The following RAB12 variants were observed in gnomAD, a reference collection of about 807,000 sequenced individuals.
RAB12 encodes RAB12, member RAS oncogene family.
RAB12 carries 11 observed loss-of-function variants against 28.4 expected under a neutral mutation model. The ratio of observed to expected loss-of-function variants is 0.39; its 90% confidence interval spans 0.24 to 0.64. RAB12 has a LOEUF of 0.64. Among genes scored for constraint, RAB12 ranks in the 30% least tolerant of loss-of-function variants. RAB12 has a pLI of 0.50. For synonymous variants in RAB12, 138 were observed against 145.3 expected (o/e 0.95, Z 0.36); for missense variants, 276 against 351.1 (o/e 0.79, Z 1.71).
intron 1 of RAB12, among the ~76,000 whole-genome samples, chr18:8,613,829 A>G (rs917270885): frequency 6.7e-6 from 1 of 148,656 alleles, no homozygotes; most frequent in Admixed American, 6.7e-5. Flanking sequence ...CTATAAATAG[A>G]AGTAGTAGTA....
chr18:8,621,326 A>G (rs779295937), intron 1 of RAB12, among the ~76,000 whole-genome samples: 17 of 152,222 alleles, frequency 1.1e-4, no homozygotes, highest in Non-Finnish European at 2.4e-4. Flanking sequence ...AATATAAGAA[A>G]GTTTTTAGAA....
intron 1 of RAB12, among the ~76,000 whole-genome samples, chr18:8,612,519 C>T (rs995051930): frequency 5.3e-5 from 8 of 152,166 alleles, no homozygotes; most frequent in East Asian, 1.9e-4. Flanking sequence ...CAGGGCTGCT[C>T]GCGACAGCCG....
chr18:8,619,517 A>AGGCCTT (rs1406124511), intron 1 of RAB12, among the ~76,000 whole-genome samples: 1 of 152,252 alleles, frequency 6.6e-6, no homozygotes, highest in Non-Finnish European at 1.5e-5. Flanking sequence ...GCGCAGAGTC[A>AGGCCTT]GGCCTTGTCT....
chr18:8,635,472 T>G, intron 3 of RAB12, 61 bp from the exon 4 acceptor site: 1 of 1,183,120 alleles, frequency 8.5e-7, no homozygotes, highest in Non-Finnish European at 1.2e-6. Context: ...GGTTTATATT[T>G]CTGCTGTCAG....
At chr18:8,613,415 G>T (rs187555679) in intron 1 of RAB12, among the ~76,000 whole-genome samples, 32 of 152,240 alleles carry the variant, frequency 2.1e-4, no homozygotes, top group Non-Finnish European at 3.8e-4. Context: ...ATGAATCTGT[G>T]TGTGCTTTTG....
Position 8,609,810 on chromosome 18 carries a change from A to G in RAB12, c.371A>G (p.Gln124Arg). ...GAGSPALSGG[Q>R]GRRRKQPPRP... ...GGCTCCCCGGCGCTGTCGGGCGGCC[A>G]GGGCCGCCGGAGGAAGCAGCCCCCC... The change falls in exon 1 of 6, where the codon CAG becomes CGG. Residue 124 changes from glutamine (Q) to arginine (R), a missense_variant. Physicochemically the swap from Gln to Arg is conservative, Grantham distance 43 (BLOSUM62 1). Transcript: ENST00000649141. 1 of 1,474,366 alleles carries G rather than the reference A, an allele frequency of 6.8e-7. No individual in the cohort carries two copies. Among genetic ancestry groups the G allele is most frequent in the Non-Finnish European group, 9.0e-7 (1 of 1,113,786 alleles). 91.3% of individuals were successfully genotyped at this position (1,474,366 alleles called of 1,614,324 possible).
chr18:8,625,719 C>T (rs1457735186), intron 2 of RAB12, among the ~76,000 whole-genome samples: 1 of 152,096 alleles, frequency 6.6e-6, no homozygotes, highest in Non-Finnish European at 1.5e-5. Flanking sequence ...TAAAAGTAGC[C>T]CCATTGAGGT....
At chr18:8,626,909 A>G (rs986452420) in intron 2 of RAB12, among the ~76,000 whole-genome samples, 8 of 152,236 alleles carry the variant, frequency 5.3e-5, no homozygotes, top group East Asian at 3.8e-4. Context: ...AGTTTTCTAC[A>G]TGGAATATTC....
In RAB12 at chr18:8,609,741, C is replaced by T. The variant is rs2096002601; in HGVS notation, c.302C>T (p.Ala101Val). 1 of 1,187,486 alleles carries T rather than the reference C, an allele frequency of 8.4e-7. No homozygotes were observed. Among genetic ancestry groups the T allele is most frequent in the Non-Finnish European group, 1.0e-6 (1 of 958,830 alleles). 73.6% of individuals were successfully genotyped at this position (1,187,486 alleles called of 1,614,324 possible). A position where few individuals can be genotyped will look rare whatever the true frequency, so the allele number is the denominator to read the frequency against. Residue 101 changes from alanine to valine, a missense_variant, in exon 1 of 6, where the codon GCC (alanine) becomes GTC (valine). This residue lies in a region of RAB12 where 72 missense variants were observed against 55.5 expected (regional missense o/e 1.30). Transcript: ENST00000649141. Reference sequence around the variant, plus strand: ...CCGCATGCGTGTATGGATCCGGGCGCCGCGCTGCAGAGGCGGGCCGGGGGC... The same window carrying T: ...CCGCATGCGTGTATGGATCCGGGCGTCGCGCTGCAGAGGCGGGCCGGGGGC... Reference protein sequence around the residue: ...REPHACMDPGAALQRRAGGGG... With the variant: ...REPHACMDPGVALQRRAGGGG...
intron 2 of RAB12, among the ~76,000 whole-genome samples, chr18:8,628,443 A>G (rs57834182): frequency 6.6e-6 from 1 of 152,128 alleles, no homozygotes; most frequent in East Asian, 1.9e-4. Flanking sequence ...GGAGTGTGGA[A>G]TCGTCTCTCA....
chr18:8,637,972 C>T (rs974926117), intron 5 of RAB12, among the ~76,000 whole-genome samples, 177 bp from the exon 6 acceptor site: 2 of 151,808 alleles, frequency 1.3e-5, no homozygotes, highest in Non-Finnish European at 2.9e-5. Flanking sequence ...CTGTCTCTTC[C>T]GGGTGGCAGA....
chr18:8,621,039 G>A (rs1390360331), intron 1 of RAB12, among the ~76,000 whole-genome samples: 1 of 152,186 alleles, frequency 6.6e-6, no homozygotes, highest in African/African-American at 2.4e-5. Flanking sequence ...CATCAACAGT[G>A]GTGGGGGCTC....
At chr18:8,634,275 C>G (rs1340646200) in intron 3 of RAB12, among the ~76,000 whole-genome samples, 1 of 92,124 alleles carries the variant, frequency 1.1e-5, no homozygotes, top group African/African-American at 3.4e-5. Flanking sequence ...CTCCATCTCT[C>G]TCTCTCTCTT....
Position 8,609,764 on chromosome 18 carries a change from G to T in RAB12, c.325G>T (p.Gly109Cys). The change falls in exon 1 of 6, where the codon GGC becomes TGC. Residue 109 changes from glycine to cysteine, a missense_variant. Gly to Cys is a radical substitution (Grantham distance 159). Coordinates refer to ENST00000649141, the MANE Select transcript of RAB12 (RefSeq NM_001025300.3). The stretch of plus-strand genomic sequence containing the variant: ...CGCCGCGCTGCAGAGGCGGGCCGGG[G>T]GCGGCGGCGGTCTGGGCGCGGGCTC... ...PGAALQRRAG[G>C]GGGLGAGSPA... is the part of the protein sequence containing the mutation. 1.6e-6 allele frequency: 2 copies of T among 1,268,314 alleles called. No homozygotes were observed. The highest frequency in any genetic ancestry group is 4.4e-5 in the Admixed American group (1 of 22,818). The allele number at this position is 1,268,314 out of a possible 1,614,324, so 78.6% of individuals were successfully genotyped here. A position where few individuals can be genotyped will look rare whatever the true frequency, so the allele number is the denominator to read the frequency against.
chr18:8,636,258 A>G lies in RAB12; in HGVS notation c.810A>G (p.Ala270=), dbSNP rs1182273585. The change falls in exon 5 of 6, where the codon GCA becomes GCG. Residue 270 remains alanine (A), a synonymous_variant. Coordinates refer to ENST00000649141, the MANE Select transcript of RAB12 (RefSeq NM_001025300.3). The part of the protein sequence containing the change: ...EITRQQGEKF[A]QQITGMRFCE... ...AGGTGTGTGTTTCTTCTCAGTTTGC[A>G]CAGCAGATCACTGGGATGCGGTTCT... 7 of 1,610,774 alleles carry G rather than the reference A, an allele frequency of 4.3e-6. No individual in the cohort carries two copies. Among genetic ancestry groups the G allele is most frequent in the Non-Finnish European group, 5.9e-6 (7 of 1,176,984 alleles).
chr18:8,625,923 T>C (rs1029199632), intron 2 of RAB12, among the ~76,000 whole-genome samples: 2 of 152,218 alleles, frequency 1.3e-5, no homozygotes, highest in African/African-American at 4.8e-5. Flanking sequence ...ATGTCTTCAT[T>C]CTTCATCCGT....
intron 2 of RAB12, among the ~76,000 whole-genome samples, chr18:8,625,763 A>G (rs2096012320): frequency 6.6e-6 from 1 of 152,204 alleles, no homozygotes; most frequent in South Asian, 2.1e-4. Context: ...TGAATGCTAC[A>G]GCTGCGGTGT....
chr18:8,633,449 C>A, intron 3 of RAB12, 122 bp downstream of exon 3: 1 of 1,109,122 alleles, frequency 9.0e-7, no homozygotes, highest in Non-Finnish European at 1.3e-6. Flanking sequence ...CATCATTTAG[C>A]CCATATATAG....
intron 1 of RAB12, among the ~76,000 whole-genome samples, chr18:8,617,231 A>C (rs888893697): frequency 1.3e-5 from 2 of 152,238 alleles, no homozygotes. Context: ...TTTATCCTGT[A>C]GATCCGAAAA....
Sources: allele counts gnomAD v4.1 joint callset (sites outside exome capture counted in the v4.1 genomes callset), GRCh38; gene constraint gnomAD v4.1.1; regional missense constraint gnomAD v4.1.1; transcripts MANE v1.5; gene names NCBI Gene and HGNC (gene_info 2026-07-23, HGNC 2026-07-21).